MARK1: variants seen among roughly 807,000 people sequenced by gnomAD.
The protein encoded by MARK1 is microtubule affinity regulating kinase 1, also known as serine/threonine-protein kinase MARK1.
Under a neutral mutation model 96.3 loss-of-function variants are expected in MARK1, and 40 were observed. The observed-to-expected ratio is 0.42, with a 90% confidence interval of 0.32 to 0.54. The LOEUF (loss-of-function observed/expected upper bound fraction) is 0.54, where lower values mean the gene tolerates loss of function less well. Ranked by LOEUF, MARK1 falls within the 20% of genes least tolerant of loss-of-function variation. MARK1 has a pLI of 0.16. For synonymous variants in MARK1, 317 were observed against 341.2 expected, an observed-to-expected ratio of 0.93 and a Z score of 0.78; for missense variants, 719 against 984.6, an observed-to-expected ratio of 0.73 and a Z score of 3.61.
At chr1:220,592,562 A>G (rs1665070175) in intron 3 of MARK1, among the ~76,000 whole-genome samples, 1 of 152,180 alleles carries the variant, frequency 6.6e-6, no homozygotes, top group African/African-American at 2.4e-5. Flanking sequence ...AGACCTGAGC[A>G]GAAGACCCAG....
intron 3 of MARK1, among the ~76,000 whole-genome samples, chr1:220,592,100 C>G (rs747271706): frequency 6.6e-6 from 1 of 151,722 alleles, no homozygotes; most frequent in Non-Finnish European, 1.5e-5. Context: ...ATGATTCTTG[C>G]CTTCTGATGT....
chr1:220,557,044 A>G (rs1398622311), intron 1 of MARK1, among the ~76,000 whole-genome samples: 1 of 152,144 alleles, frequency 6.6e-6, no homozygotes, highest in Non-Finnish European at 1.5e-5. Flanking sequence ...ATGTCTTCAG[A>G]TTGATGCACA....
rs187694439 is a variant in MARK1 at position 220,548,498 on chromosome 1, G to T, written c.51+19625G>T. On this transcript the variant is annotated intron_variant, in intron 1 of 17. Coordinates refer to ENST00000366917, the MANE Select transcript of MARK1 (RefSeq NM_018650.5). ...CTCACACCTGTAATCCCAGCACTTCGGGAGGCTGAGACTGGCGGATCACAT... is the reference window on the plus strand; with the variant it reads ...CTCACACCTGTAATCCCAGCACTTCTGGAGGCTGAGACTGGCGGATCACAT... 5.9e-5 allele frequency among the ~76,000 whole-genome samples: 9 copies of T among 152,152 alleles called. No homozygotes were observed. The East Asian group carries it at 1.5e-3, about 26-fold the overall frequency.
chr1:220,566,693 T>C (rs1663081662), intron 1 of MARK1, among the ~76,000 whole-genome samples: 1 of 152,176 alleles, frequency 6.6e-6, no homozygotes, highest in Admixed American at 6.6e-5. Context: ...ATAGTAGATA[T>C]TTAGTTAGCC....
intron 1 of MARK1, among the ~76,000 whole-genome samples, chr1:220,570,405 A>G (rs1372554691): frequency 6.6e-6 from 1 of 152,158 alleles, no homozygotes; most frequent in Admixed American, 6.5e-5. Context: ...CTGCAGAAAG[A>G]GAATACAAAT....
chr1:220,642,506 G>C (rs532775800), intron 13 of MARK1, among the ~76,000 whole-genome samples: 69 of 152,242 alleles, frequency 4.5e-4, no homozygotes, highest in South Asian at 2.1e-3. Flanking sequence ...AGAGCACCTG[G>C]GGGGAGGGGC....
At chr1:220,550,446 A>G (rs1661783618) in intron 1 of MARK1, among the ~76,000 whole-genome samples, 1 of 152,034 alleles carries the variant, frequency 6.6e-6, no homozygotes, top group South Asian at 2.1e-4. Context: ...TAAACCTCCC[A>G]TGTTCAAGTG....
chr1:220,559,075 C>T (rs1662491441), intron 1 of MARK1, among the ~76,000 whole-genome samples: 1 of 152,052 alleles, frequency 6.6e-6, no homozygotes, highest in Non-Finnish European at 1.5e-5. Flanking sequence ...TTAGAGCAGC[C>T]ATTAATGAAA....
chr1:220,541,970 G>A (rs947287584), intron 1 of MARK1, among the ~76,000 whole-genome samples: 1 of 152,060 alleles, frequency 6.6e-6, no homozygotes, highest in Admixed American at 6.6e-5. Flanking sequence ...ATCCTCTCTT[G>A]CTGTATTCCT....
chr1:220,664,136 G>A lies in MARK1; in HGVS notation c.*1970G>A, dbSNP rs981412307. 6.6e-6 allele frequency: 1 copy of A among 152,104 alleles called. No individual in the cohort carries two copies. Among genetic ancestry groups the A allele is most frequent in the African/African-American group, 2.4e-5 (1 of 41,422 alleles). The allele number at this position is 152,104 out of a possible 1,614,324, so 9.4% of individuals were successfully genotyped here. On this transcript the variant is annotated 3_prime_UTR_variant, in exon 18 of 18. Coordinates refer to ENST00000366917, the MANE Select transcript of MARK1 (RefSeq NM_018650.5). The stretch of plus-strand genomic sequence containing the variant: ...ACTGAAATACGTTTTTAAAAAAATA[G>A]ACTCATGTGTTTTCCACGGTAGAAA...
intron 3 of MARK1, among the ~76,000 whole-genome samples, chr1:220,597,753 A>G (rs1665474956): frequency 6.6e-6 from 1 of 152,206 alleles, no homozygotes; most frequent in African/African-American, 2.4e-5. Context: ...AAGTAAAATG[A>G]AAAGGAGGAA....
intron 14 of MARK1, among the ~76,000 whole-genome samples, chr1:220,651,229 T>C (rs1260321218): frequency 2.0e-5 from 3 of 152,226 alleles, no homozygotes; most frequent in Non-Finnish European, 4.4e-5. Flanking sequence ...GTGTCTTCTT[T>C]CTATCATGAG....
At chr1:220,612,920 A>AG (rs996372420) in intron 6 of MARK1, among the ~76,000 whole-genome samples, 13 of 152,062 alleles carry the variant, frequency 8.5e-5, no homozygotes, top group African/African-American at 3.1e-4. Context: ...TTGAGCCTAC[A>AG]GAAAAAAAAA....
rs754394745 is a variant in MARK1, at chr1:220,631,179, G to C, written c.1009+45G>C. ...AAGAAGTGCTGTCCCTAGGCAACAA[G>C]TAAGAGTCCTTTAGTGTGCCAAAAT... On this transcript the variant is annotated intron_variant, in intron 10 of 17. Coordinates refer to ENST00000366917, the MANE Select transcript of MARK1 (RefSeq NM_018650.5). 21 of 1,359,210 alleles carry C rather than the reference G, an allele frequency of 1.5e-5. No individual in the cohort carries two copies. The East Asian group carries it at 4.9e-4, about 32-fold the overall frequency. The allele number at this position is 1,359,210 out of a possible 1,614,324, so 84.2% of individuals were successfully genotyped here.
chr1:220,550,069 T>G (rs1661758856), intron 1 of MARK1, among the ~76,000 whole-genome samples: 1 of 152,222 alleles, frequency 6.6e-6, no homozygotes, highest in Non-Finnish European at 1.5e-5. Flanking sequence ...TTCTTCATTT[T>G]AATGCATTCA....
At chr1:220,600,892 C>CTTTTT (rs11417176) in intron 5 of MARK1, among the ~76,000 whole-genome samples, 2 of 144,258 alleles carry the variant, frequency 1.4e-5, no homozygotes, top group Non-Finnish European at 3.0e-5. Flanking sequence ...TTTTCTTTTT[C>CTTTTT]TTTTTTTTTT....
chr1:220,634,676 G>A (rs559436476), intron 11 of MARK1, among the ~76,000 whole-genome samples: 27 of 152,262 alleles, frequency 1.8e-4, no homozygotes, highest in African/African-American at 5.3e-4. Context: ...ATCTATATAT[G>A]AATTTAGATT....
intron 3 of MARK1, among the ~76,000 whole-genome samples, chr1:220,594,493 A>T (rs1665196923): frequency 6.6e-6 from 1 of 152,216 alleles, no homozygotes; most frequent in Non-Finnish European, 1.5e-5. Flanking sequence ...ATATCTTACC[A>T]TATGATCCAG....
At chr1:220,602,350 T>C (rs1665799879) in intron 5 of MARK1, among the ~76,000 whole-genome samples, 1 of 152,216 alleles carries the variant, frequency 6.6e-6, no homozygotes, top group Non-Finnish European at 1.5e-5. Flanking sequence ...ATTTATAAAA[T>C]GCTTACCATG....
Sources: gnomAD v4.1 joint callset for allele counts (sites outside exome capture counted in the v4.1 genomes callset) on GRCh38, gnomAD v4.1.1 for gene constraint, MANE v1.5 for transcripts, NCBI Gene and HGNC (gene_info 2026-07-23, HGNC 2026-07-21) for gene names.